Variants in SNX31 observed in about 807,000 individuals in gnomAD.
The protein encoded by SNX31 is sorting nexin 31.
A neutral mutation model predicts 65.4 loss-of-function variants in SNX31; 58 were observed. That is an observed-to-expected ratio of 0.89 (90% CI 0.72 to 1.10). The LOEUF (loss-of-function observed/expected upper bound fraction) is 1.10. Ranked by LOEUF, SNX31 falls within the 50% of genes least tolerant of loss-of-function variation. The probability of loss-of-function intolerance (pLI) is 0.00; values close to 1 mark genes in which losing one functional copy is unlikely to be tolerated. For missense variants in SNX31, 523 were observed against 529.7 expected (o/e 0.99, Z 0.12); for synonymous variants, 181 against 190.1 (o/e 0.95, Z 0.39).
intron 12 of SNX31, among the ~76,000 whole-genome samples, chr8:100,583,616 GAAAAAAAAT>G (rs1440700743): frequency 6.6e-6 from 1 of 151,578 alleles, no homozygotes; most frequent in Non-Finnish European, 1.5e-5. Flanking sequence ...TTATATTGAG[GAAAAAAAAT>G]AGCCTTGAGA....
At chr8:100,641,960 T>C (rs1819281583) in intron 2 of SNX31, among the ~76,000 whole-genome samples, 3 of 151,800 alleles carry the variant, frequency 2.0e-5, no homozygotes, top group Admixed American at 6.6e-5. Context: ...GTGCCTGTAG[T>C]CCCAGCTACT....
chr8:100,654,798 A>G (rs1478978600), intron 1 of SNX31, among the ~76,000 whole-genome samples: 3 of 152,204 alleles, frequency 2.0e-5, no homozygotes, highest in African/African-American at 7.2e-5. Context: ...GGATCACTTG[A>G]GGTCAGGAGT....
At chr8:100,628,691 G>T (rs1384772685) in intron 4 of SNX31, among the ~76,000 whole-genome samples, 1 of 151,978 alleles carries the variant, frequency 6.6e-6, no homozygotes. Flanking sequence ...GTCTACATAT[G>T]TAACAAACCT....
upstream of SNX31, among the ~76,000 whole-genome samples, chr8:100,652,177 A>T (rs1480160667): frequency 6.6e-6 from 1 of 152,010 alleles, no homozygotes; most frequent in African/African-American, 2.4e-5. Context: ...ACGGGGTTTC[A>T]CCGTGTTAGC....
At chr8:100,643,112 AC>A (rs1334222402) in intron 2 of SNX31, among the ~76,000 whole-genome samples, 1 of 88,216 alleles carries the variant, frequency 1.1e-5, no homozygotes, top group Admixed American at 1.1e-4. Flanking sequence ...AATCACTTGA[AC>A]TTGGGGGGGG....
Position 100,645,717 on chromosome 8 carries a change from T to C in SNX31, c.141+3557A>G, listed in dbSNP as rs1026707339. Among the ~76,000 whole-genome samples the C allele has an allele frequency of 2.7e-5, 4 of 149,386 alleles. No homozygotes were observed. The South Asian group carries it at 8.5e-4, about 32-fold the overall frequency. On this transcript the variant is annotated intron_variant, in intron 2 of 13. Transcript: ENST00000311812. ...ACCTCCACCTCCCAGGCTCAAGCGA[T>C]CCTCCCACCTCAGGCTCCTGAATAG...
At chr8:100,633,831 A>C (rs1408949112) in intron 3 of SNX31, among the ~76,000 whole-genome samples, 3 of 152,266 alleles carry the variant, frequency 2.0e-5, no homozygotes, top group Non-Finnish European at 4.4e-5. Flanking sequence ...TGGCGTATAC[A>C]GAAATGCTTA....
chr8:100,590,278 C>T (rs1473862175), intron 10 of SNX31, among the ~76,000 whole-genome samples: 1 of 152,194 alleles, frequency 6.6e-6, no homozygotes, highest in Non-Finnish European at 1.5e-5. Flanking sequence ...CAGACATTAT[C>T]CTAAGGGCAA....
intron 2 of SNX31, among the ~76,000 whole-genome samples, chr8:100,645,606 ATTTTTTT>A (rs10598981): frequency 9.4e-6 from 1 of 106,728 alleles, no homozygotes; most frequent in Non-Finnish European, 1.8e-5. Flanking sequence ...CAGACTCTTC[ATTTTTTT>A]TTTTTTTTTT....
chr8:100,628,304 G>T (rs541572543), intron 4 of SNX31, among the ~76,000 whole-genome samples: 2 of 152,032 alleles, frequency 1.3e-5, no homozygotes, highest in African/African-American at 4.8e-5. Flanking sequence ...TGTTTATTGC[G>T]GCACTATTCA....
At chr8:100,653,800 G>A (rs750723880), upstream of SNX31, among the ~76,000 whole-genome samples, 3 of 152,224 alleles carry the variant, frequency 2.0e-5, no homozygotes, top group Admixed American at 6.5e-5. Flanking sequence ...GCCCCTGGCC[G>A]TGTGCGCATC....
chr8:100,605,116 C>T (rs1230427637), intron 8 of SNX31, among the ~76,000 whole-genome samples: 1 of 151,762 alleles, frequency 6.6e-6, no homozygotes, highest in Non-Finnish European at 1.5e-5. Flanking sequence ...CCAGGCTGGT[C>T]TTGAACTCCT....
At position 100,575,593 on chromosome 8, in the gene SNX31, C is replaced by T; in HGVS notation, c.1227+1426G>A. Among the ~76,000 whole-genome samples the T allele has an allele frequency of 6.6e-6, 1 of 152,158 alleles. No individual in the cohort carries two copies. The highest frequency in any genetic ancestry group is 1.9e-4 in the East Asian group (1 of 5,196). ...ACAGTGGCTCTCAAACTTGAACATG[C>T]ATCAGATTTGTCTGGTGGGCGTGTT... On this transcript the variant is annotated intron_variant, in intron 13 of 13. Transcript: ENST00000311812. This position sits in a 1 kb window ranked among gnomAD's most constrained non-coding sequence, Gnocchi z 5.1.
At chr8:100,611,107 A>G (rs1344940242) in intron 7 of SNX31, among the ~76,000 whole-genome samples, 1 of 152,164 alleles carries the variant, frequency 6.6e-6, no homozygotes, top group African/African-American at 2.4e-5. Flanking sequence ...CTTGTGTCCT[A>G]CCTATCTAGG....
chr8:100,582,148 G>A (rs1256206857), intron 12 of SNX31, among the ~76,000 whole-genome samples: 2 of 152,174 alleles, frequency 1.3e-5, no homozygotes, highest in South Asian at 2.1e-4. Context: ...TATGGATTTC[G>A]ATTCATGTGC....
rs1815128416 is a variant in SNX31, at chr8:100,596,739, C to T, written c.878G>A (p.Gly293Asp). The change falls in exon 10 of 14, where the codon GGC (glycine) becomes GAC (aspartate). Residue 293 changes from glycine to aspartate, a missense_variant. Coordinates refer to ENST00000311812, the MANE Select transcript of SNX31 (RefSeq NM_152628.4). ...GATGCAGCAGCTGATCTCATTATTG[C>T]CAACAGAAAGAACAGCTCCAGAGCC... ...ESGSGAVLSV[G>D]NNEISCCITL... is the part of the protein sequence containing the mutation. The T allele has an allele frequency of 1.2e-6, 2 of 1,614,104 alleles. No individual in the cohort carries two copies. Among genetic ancestry groups the T allele is most frequent in the Non-Finnish European group, 1.7e-6 (2 of 1,180,016 alleles).
chr8:100,652,103 C>T (rs754646186), upstream of SNX31, among the ~76,000 whole-genome samples: 4 of 152,130 alleles, frequency 2.6e-5, no homozygotes, highest in East Asian at 7.7e-4. Context: ...CTCGGCCTCC[C>T]GAGTAGCTGG....
At chr8:100,580,156 T>TTA (rs1813367266) in intron 12 of SNX31, among the ~76,000 whole-genome samples, 2 of 124,532 alleles carry the variant, frequency 1.6e-5, no homozygotes, top group African/African-American at 5.5e-5. Context: ...AGCCTGTCTT[T>TTA]AAAAAAAAAA....
intron 2 of SNX31, among the ~76,000 whole-genome samples, chr8:100,636,441 G>A (rs59659633): frequency 3.3e-5 from 5 of 152,214 alleles, no homozygotes; most frequent in East Asian, 1.9e-4. Flanking sequence ...ACCTAAAGCG[G>A]TAGCCACCAG....
Sources: allele counts gnomAD v4.1 joint callset (sites outside exome capture counted in the v4.1 genomes callset), GRCh38; gene constraint gnomAD v4.1.1; non-coding constraint Gnocchi (gnomAD v3.1); transcripts MANE v1.5; gene names NCBI Gene and HGNC (gene_info 2026-07-23, HGNC 2026-07-21).